PROSER1: variants seen among roughly 807,000 people sequenced by gnomAD.
PROSER1 encodes proline and serine-rich protein 1.
In PROSER1, 36 loss-of-function variants were observed where a neutral mutation model predicts 71.8. That is an observed-to-expected ratio of 0.50 (90% CI 0.38 to 0.66). The LOEUF (loss-of-function observed/expected upper bound fraction) is 0.66, where lower values mean the gene tolerates loss of function less well. Among genes scored for constraint, PROSER1 ranks in the 30% least tolerant of loss-of-function variants. The pLI, the probability that PROSER1 is intolerant of heterozygous loss-of-function variation, is 0.00. For missense variants in PROSER1, 1,107 were observed against 1,135.0 expected (o/e 0.98, Z 0.35); for synonymous variants, 490 against 452.4 (o/e 1.08, Z -1.06).
At chr13:39,020,069 C>A (rs1870215132) in intron 9 of PROSER1, among the ~76,000 whole-genome samples, 5 of 134,866 alleles carry the variant, frequency 3.7e-5, no homozygotes, top group African/African-American at 3.0e-5. Flanking sequence ...CTAGAAAACT[C>A]AAGAGACTTA....
chr13:39,012,659 A>T, intron 11 of PROSER1, 32 bp downstream of exon 11: 1 of 1,438,692 alleles, frequency 7.0e-7, no homozygotes, highest in South Asian at 1.4e-5. Context: ...GGTGAAGAAT[A>T]ATTTTATCCT....
chr13:39,033,499 C>A (rs1295457342), intron 2 of PROSER1, among the ~76,000 whole-genome samples: 1 of 152,186 alleles, frequency 6.6e-6, no homozygotes, highest in Admixed American at 6.5e-5. Flanking sequence ...CCAGACATTT[C>A]TATTAATATT....
intron 1 of PROSER1, among the ~76,000 whole-genome samples, chr13:39,036,226 CA>C (rs770256365): frequency 1.2e-3 from 184 of 151,812 alleles, no homozygotes; most frequent in Admixed American, 3.5e-3. Flanking sequence ...AGAACTTGTT[CA>C]AAAAAGAATG....
In PROSER1 at chr13:39,023,130, G is replaced by A; in HGVS notation, c.565C>T (p.Pro189Ser). Residue 189 changes from proline (P) to serine (S), a missense_variant and splice_region_variant, in exon 8 of 13, where the codon CCT (proline) becomes TCT (serine). Physicochemically the swap from Pro to Ser is moderately conservative, Grantham distance 74 (BLOSUM62 -1). Transcript: ENST00000352251. ...TTATGTGGATTATATGTTGAAGGAGGCTAAAACATGGGGGAAAATACAGCA... is the reference window on the plus strand; with the variant it reads ...TTATGTGGATTATATGTTGAAGGAGACTAAAACATGGGGGAAAATACAGCA... ...AARILGPSKPPPSTYNPHKPV... is the reference protein window; with the variant it reads ...AARILGPSKPSPSTYNPHKPV... 1 of 1,610,006 alleles carries A rather than the reference G, an allele frequency of 6.2e-7. No individual in the cohort carries two copies. The highest frequency in any genetic ancestry group is 8.5e-7 in the Non-Finnish European group (1 of 1,176,644).
At chr13:39,033,413 C>CCATTTACTAACTCAATTGGAG (rs1332602876) in intron 2 of PROSER1, among the ~76,000 whole-genome samples, 1 of 152,182 alleles carries the variant, frequency 6.6e-6, no homozygotes, top group Non-Finnish European at 1.5e-5. Flanking sequence ...AAAAGCTGGA[C>CCATTTACTAACTCAATTGGAG]CATTTACTAA....
At chr13:39,029,222 A>T in intron 4 of PROSER1, 59 bp downstream of exon 4, 1 of 997,294 alleles carries the variant, frequency 1.0e-6, no homozygotes, top group Non-Finnish European at 1.5e-6. Flanking sequence ...TAGACACTTA[A>T]AACGCTTCTA....
Position 39,013,502 on chromosome 13 carries a change from C to A in PROSER1, c.1750G>T (p.Gly584Cys), listed in dbSNP as rs1175390010. Residue 584 changes from glycine to cysteine, a missense_variant, in exon 11 of 13, where the codon GGC (glycine) becomes TGC (cysteine). By Grantham distance (159) the Gly-to-Cys change is radical. Coordinates refer to ENST00000352251, the MANE Select transcript of PROSER1 (RefSeq NM_025138.5). Reference protein sequence around the residue: ...SCGSSASLLRGPHPGTSDLHI... With the variant: ...SCGSSASLLRCPHPGTSDLHI... ...AGATCTGAGGTACCTGGGTGGGGGC[C>A]ACGCAAAAGGGAGGCTGAGGAGCCA... is the stretch of plus-strand genomic sequence containing the variant. 10 of 1,613,890 alleles carry A rather than the reference C, an allele frequency of 6.2e-6. No homozygotes were observed. The highest frequency in any genetic ancestry group is 3.3e-5 in the Admixed American group (2 of 59,990).
intron 6 of PROSER1, 151 bp from the exon 7 acceptor site, chr13:39,024,707 C>A: frequency 1.7e-6 from 1 of 604,858 alleles, no homozygotes; most frequent in Non-Finnish European, 2.9e-6. Flanking sequence ...CACTGGCTGG[C>A]GGCATGACCC....
At position 39,013,700 on chromosome 13, in the gene PROSER1, A is replaced by T. The variant is rs2138098974; in HGVS notation, c.1552T>A (p.Cys518Ser). 6.2e-7 allele frequency: 1 copy of T among 1,614,168 alleles called. No homozygotes were observed. The highest frequency in any genetic ancestry group is 8.5e-7 in the Non-Finnish European group (1 of 1,180,014). ...GTAGGGATGGCTGATGGGGCATAGC[A>T]CTTGTTAGGGGCTGAAGCAGAAGAG... Reference protein sequence around the residue: ...SDSSASAPNKCYAPSAIPTPQ... With the variant: ...SDSSASAPNKSYAPSAIPTPQ... Residue 518 changes from cysteine to serine, a missense_variant, in exon 11 of 13, where the codon TGC becomes AGC. Transcript: ENST00000352251.
intron 10 of PROSER1, among the ~76,000 whole-genome samples, chr13:39,016,442 T>C (rs1355956171): frequency 2.6e-5 from 4 of 152,216 alleles, no homozygotes; most frequent in Admixed American, 6.5e-5. Context: ...TGTCTTTAAC[T>C]GCTATACTAG....
intron 2 of PROSER1, among the ~76,000 whole-genome samples, chr13:39,033,401 T>C (rs1356452465): frequency 1.3e-5 from 2 of 152,230 alleles, no homozygotes; most frequent in African/African-American, 4.8e-5. Flanking sequence ...GAGAAACCAA[T>C]GAAAAGCTGG....
At chr13:39,031,153 T>C (rs1223416864) in intron 3 of PROSER1, among the ~76,000 whole-genome samples, 1 of 152,234 alleles carries the variant, frequency 6.6e-6, no homozygotes, top group Non-Finnish European at 1.5e-5. Context: ...GTTCCTCAGA[T>C]GAGGCACATT....
At chr13:39,031,672 G>T (rs117096710) in intron 2 of PROSER1, 41 bp from the exon 3 acceptor site, 1 of 1,536,372 alleles carries the variant, frequency 6.5e-7, no homozygotes, top group Non-Finnish European at 9.0e-7. Flanking sequence ...CAGCATGTTT[G>T]CAAACATTTC....
In PROSER1 at chr13:39,012,809, CTG is replaced by C; in HGVS notation, c.2441_2442del (p.Thr814SerfsTer80). 1 of 1,614,164 alleles carries C rather than the reference CTG, an allele frequency of 6.2e-7. No individual in the cohort carries two copies. The highest frequency in any genetic ancestry group is 8.5e-7 in the Non-Finnish European group (1 of 1,180,036). On this transcript the variant is annotated frameshift_variant, in exon 11 of 13. Coordinates refer to ENST00000352251, the MANE Select transcript of PROSER1 (RefSeq NM_025138.5). LOFTEE classifies it high-confidence loss of function. ...PSFPGLQAPS[T>X]VAAVTPLPVA... is the part of the protein sequence containing the mutation. ...ACAGGTAGTGGTGTGACAGCTGCGA[CTG>C]TAGAGGGCGCCTGCAGCCCCGGGAA...
In PROSER1 at chr13:39,013,298, A is replaced by C; in HGVS notation, c.1954T>G (p.Leu652Val). The C allele has an allele frequency of 1.2e-6, 2 of 1,614,192 alleles. No individual in the cohort carries two copies. Among genetic ancestry groups the C allele is most frequent in the East Asian group, 2.2e-5 (1 of 44,882 alleles). Residue 652 changes from leucine to valine, a missense_variant, in exon 11 of 13, where the codon TTA becomes GTA. Transcript: ENST00000352251. ...AATGCAGGATTAAGGCAAGCAGATAAACTGATGGGCACGGATGTTGAAGTA... is the reference window on the plus strand; with the variant it reads ...AATGCAGGATTAAGGCAAGCAGATACACTGATGGGCACGGATGTTGAAGTA... ...AYTSTSVPIS[L>V]SACLNPALSG...
At chr13:39,027,336 CA>C (rs1276496847) in intron 5 of PROSER1, among the ~76,000 whole-genome samples, 1 of 151,876 alleles carries the variant, frequency 6.6e-6, no homozygotes, top group East Asian at 1.9e-4. Flanking sequence ...AATTTGGGGC[CA>C]AAAGGTATAA....
In PROSER1 at chr13:39,022,369, T is replaced by C. The variant is rs1162798630; in HGVS notation, c.687A>G (p.Ile229Met). Residue 229 changes from isoleucine to methionine, a missense_variant, in exon 9 of 13, where the codon ATA becomes ATG. Coordinates refer to ENST00000352251, the MANE Select transcript of PROSER1 (RefSeq NM_025138.5). Reference protein sequence around the residue: ...NAGLVPLANVIAPPPPPYTPN... With the variant: ...NAGLVPLANVMAPPPPPYTPN... ...GAGTATATGGAGGTGGAGGTGGAGC[T>C]ATGACATTCGCTAATGGTACCAGAC... is the stretch of plus-strand genomic sequence containing the variant. 3 of 1,613,050 alleles carry C rather than the reference T, an allele frequency of 1.9e-6. No individual in the cohort carries two copies. Among genetic ancestry groups the C allele is most frequent in the Non-Finnish European group, 2.5e-6 (3 of 1,179,090 alleles).
intron 1 of PROSER1, among the ~76,000 whole-genome samples, chr13:39,035,814 A>G (rs1364067167): frequency 2.0e-5 from 3 of 152,244 alleles, no homozygotes; most frequent in Non-Finnish European, 1.5e-5. Context: ...GCTCATATTT[A>G]GATATGCCAA....
chr13:39,019,067 GA>G (rs1870156037), intron 9 of PROSER1, among the ~76,000 whole-genome samples: 1 of 151,948 alleles, frequency 6.6e-6, no homozygotes, highest in African/African-American at 2.4e-5. Context: ...TCTACCAAAA[GA>G]AAATTATAAC....
Sources: allele counts gnomAD v4.1 joint callset (sites outside exome capture counted in the v4.1 genomes callset), GRCh38; gene constraint gnomAD v4.1.1; transcripts MANE v1.5; gene names NCBI Gene and HGNC (gene_info 2026-07-23, HGNC 2026-07-21).